HUNK: variants seen among roughly 807,000 people sequenced by gnomAD.
The protein encoded by HUNK is hormonally up-regulated Neu-associated kinase.
A neutral mutation model predicts 61.0 loss-of-function variants in HUNK; 21 were observed. The observed-to-expected ratio is 0.34, with a 90% CI of 0.24 to 0.50. The LOEUF (loss-of-function observed/expected upper bound fraction) is 0.50, where lower values mean the gene tolerates loss of function less well. HUNK is among the 20% of genes least tolerant of loss of function. The pLI, the probability that HUNK is intolerant of heterozygous loss-of-function variation, is 0.98. For synonymous variants in HUNK, 371 were observed against 386.1 expected (o/e 0.96, Z 0.46); for missense variants, 772 against 945.7 (o/e 0.82, Z 2.41).
In HUNK at chr21:31,998,714, G is replaced by A. The variant is rs2053223541; in HGVS notation, c.1675G>A (p.Val559Met). Reference sequence around the variant, plus strand: ...GGAAGACCCCCTGATGCTGGACATGGTGCGCTCCTTCGAGTCTGTGGATCG... The same window carrying A: ...GGAAGACCCCCTGATGCTGGACATGATGCGCTCCTTCGAGTCTGTGGATCG... ...HKEDPLMLDMVRSFESVDRDD... is the reference protein window; with the variant it reads ...HKEDPLMLDMMRSFESVDRDD... The change falls in exon 11 of 11, where the codon GTG becomes ATG. Residue 559 changes from valine to methionine, a missense_variant. Around this residue, in one of 2 missense-constraint regions of HUNK, gnomAD observed 413 missense variants for 444.4 expected, o/e 0.93. Transcript: ENST00000270112. 6.2e-7 allele frequency: 1 copy of A among 1,614,120 alleles called. No homozygotes were observed. The highest frequency in any genetic ancestry group is 8.5e-7 in the Non-Finnish European group (1 of 1,180,028).
At chr21:31,935,802 C>T (rs914222900) in intron 2 of HUNK, among the ~76,000 whole-genome samples, 2 of 152,046 alleles carry the variant, frequency 1.3e-5, no homozygotes, top group Non-Finnish European at 2.9e-5. Context: ...TCTGTAATAT[C>T]TTATCTCTTT....
At chr21:31,993,544 G>C (rs959620570) in intron 9 of HUNK, among the ~76,000 whole-genome samples, 1 of 152,242 alleles carries the variant, frequency 6.6e-6, no homozygotes, top group African/African-American at 2.4e-5. Flanking sequence ...TTAGCAGGTA[G>C]AGCTGGTGAC....
intron 5 of HUNK, among the ~76,000 whole-genome samples, chr21:31,963,752 C>T (rs2052944645): frequency 2.0e-5 from 3 of 152,136 alleles, no homozygotes. Flanking sequence ...TCAAGCAATC[C>T]TCCTGCGTCG....
intron 1 of HUNK, among the ~76,000 whole-genome samples, chr21:31,917,757 C>A (rs1350775174): frequency 6.8e-6 from 1 of 146,762 alleles, no homozygotes; most frequent in Non-Finnish European, 1.5e-5. Context: ...CACACACACA[C>A]CCCTGGACTG....
chr21:31,963,771 A>G (rs2052944851), intron 5 of HUNK, among the ~76,000 whole-genome samples: 1 of 151,512 alleles, frequency 6.6e-6, no homozygotes, highest in African/African-American at 2.4e-5. Context: ...CGGACTCTCA[A>G]ACTGCTGGGG....
intron 1 of HUNK, among the ~76,000 whole-genome samples, chr21:31,894,469 C>T (rs1013824806): frequency 2.0e-5 from 3 of 152,124 alleles, no homozygotes; most frequent in Non-Finnish European, 4.4e-5. Context: ...ATAAAACAAA[C>T]GTTACCTTTA....
chr21:31,999,860 A>G lies in HUNK; in HGVS notation c.*676A>G, dbSNP rs568499744. The G allele has an allele frequency of 1.1e-4, 26 of 227,250 alleles. No individual in the cohort carries two copies. Among genetic ancestry groups the G allele is most frequent in the African/African-American group, 7.1e-4 (25 of 35,002 alleles). 14.1% of individuals were successfully genotyped at this position (227,250 alleles called of 1,614,324 possible). A position where few individuals can be genotyped will look rare whatever the true frequency, so the allele number is the denominator to read the frequency against. ...GTTGTTGAAACATGCTAATGATTGA[A>G]TTATCTTTTCCAAAGATTTTTTTTA... On this transcript the variant is annotated 3_prime_UTR_variant, in exon 11 of 11. Coordinates refer to ENST00000270112, the MANE Select transcript of HUNK (RefSeq NM_014586.2).
intron 9 of HUNK, among the ~76,000 whole-genome samples, chr21:31,991,457 G>GATCT (rs974513065): frequency 1.3e-5 from 2 of 152,122 alleles, no homozygotes; most frequent in African/African-American, 4.8e-5. Context: ...GACCTCAAGT[G>GATCT]ATCTGCCTGC....
chr21:31,883,958 A>G (rs1334354847), intron 1 of HUNK, among the ~76,000 whole-genome samples: 1 of 152,094 alleles, frequency 6.6e-6, no homozygotes, highest in Non-Finnish European at 1.5e-5. Context: ...TGGAGTAAGC[A>G]CCCTTGATTC....
intron 1 of HUNK, among the ~76,000 whole-genome samples, chr21:31,902,663 C>G (rs768550576): frequency 3.9e-5 from 6 of 152,130 alleles, no homozygotes; most frequent in African/African-American, 1.4e-4. Flanking sequence ...ACACATAGGC[C>G]TTTTTGTTTT....
Position 31,974,622 on chromosome 21 carries a change from A to C in HUNK, c.1078A>C (p.Ser360Arg). 1 of 1,613,748 alleles carries C rather than the reference A, an allele frequency of 6.2e-7. No homozygotes were observed. The highest frequency in any genetic ancestry group is 8.5e-7 in the Non-Finnish European group (1 of 1,179,914). ...GACCGAGAAGCTGGGTTACAAGAAC[A>C]GCGACGTGATCAACACTGTGCTCTC... ...HMTEKLGYKN[S>R]DVINTVLSNR... The change falls in exon 7 of 11, where the codon AGC becomes CGC. Residue 360 changes from serine to arginine, a missense_variant. By Grantham distance (110) the Ser-to-Arg change is moderately radical. Transcript: ENST00000270112.
At chr21:31,903,339 A>G (rs2052481893) in intron 1 of HUNK, among the ~76,000 whole-genome samples, 1 of 152,192 alleles carries the variant, frequency 6.6e-6, no homozygotes, top group African/African-American at 2.4e-5. Flanking sequence ...TCTAGAAATA[A>G]TTCTTTTATT....
Position 31,873,564 on chromosome 21 carries a change from G to C in HUNK, c.-111G>C. The C allele has an allele frequency of 3.5e-6, 3 of 868,716 alleles. No individual in the cohort carries two copies. The highest frequency in any genetic ancestry group is 4.1e-6 in the Non-Finnish European group (3 of 723,338). The allele number at this position is 868,716 out of a possible 1,614,324, so 53.8% of individuals were successfully genotyped here. A position where few individuals can be genotyped will look rare whatever the true frequency, so the allele number is the denominator to read the frequency against. Reference sequence around the variant, plus strand: ...GGCTCTGGGTGCGGAGACCCAGGCGGGGCTGGGCCCAGGGCGGCGGCGGGA... The same window carrying C: ...GGCTCTGGGTGCGGAGACCCAGGCGCGGCTGGGCCCAGGGCGGCGGCGGGA... On this transcript the variant is annotated 5_prime_UTR_variant, in exon 1 of 11. Coordinates refer to ENST00000270112, the MANE Select transcript of HUNK (RefSeq NM_014586.2). The surrounding 1 kb of genome is among the most constrained non-coding windows in gnomAD (Gnocchi z 6.1).
intron 6 of HUNK, among the ~76,000 whole-genome samples, chr21:31,970,526 A>C (rs185217398): frequency 6.6e-6 from 1 of 152,286 alleles, no homozygotes; most frequent in East Asian, 1.9e-4. Context: ...AGCTGAAAGG[A>C]CCTTGCCTCA....
intron 1 of HUNK, among the ~76,000 whole-genome samples, chr21:31,901,673 A>C (rs1162728840): frequency 1.3e-5 from 2 of 152,172 alleles, no homozygotes; most frequent in African/African-American, 4.8e-5. Flanking sequence ...TGCAAACTAA[A>C]CTATGATGCT....
intron 1 of HUNK, among the ~76,000 whole-genome samples, chr21:31,898,986 G>T (rs998240725): frequency 6.6e-6 from 1 of 151,916 alleles, no homozygotes. Context: ...GTATGTTATC[G>T]TGGAAACTGA....
intron 2 of HUNK, among the ~76,000 whole-genome samples, chr21:31,932,911 C>CT (rs779361324): frequency 0.088 from 11,506 of 130,590 alleles, 1,679 homozygotes; most frequent in African/African-American, 0.3. Flanking sequence ...TGCCTTCTTC[C>CT]TTTTTTTTTT....
intron 1 of HUNK, among the ~76,000 whole-genome samples, chr21:31,900,456 C>CACACACACACACACAT (rs2052457595): frequency 6.6e-6 from 1 of 151,606 alleles, no homozygotes; most frequent in African/African-American, 2.4e-5. Flanking sequence ...AACACACACA[C>CACACACACACACACAT]ACACACACAC....
intron 1 of HUNK, among the ~76,000 whole-genome samples, chr21:31,898,420 C>T (rs1447415936): frequency 6.6e-6 from 1 of 152,162 alleles, no homozygotes; most frequent in Non-Finnish European, 1.5e-5. Flanking sequence ...CATCCGCCAC[C>T]ATGCCTGGCT....
Sources: gnomAD v4.1 joint callset for allele counts (sites outside exome capture counted in the v4.1 genomes callset) on GRCh38, gnomAD v4.1.1 for gene constraint, gnomAD v4.1.1 regional missense constraint, Gnocchi (gnomAD v3.1) non-coding constraint, MANE v1.5 for transcripts, NCBI Gene and HGNC (gene_info 2026-07-23, HGNC 2026-07-21) for gene names.